The following SLC35F3 variants were observed in gnomAD, a reference collection of about 807,000 sequenced individuals.
SLC35F3 encodes the protein putative thiamine transporter SLC35F3.
In SLC35F3, 25 loss-of-function variants were observed where a neutral mutation model predicts 49.9. That is an observed-to-expected ratio of 0.50 (90% CI 0.37 to 0.70). The LOEUF (loss-of-function observed/expected upper bound fraction) is 0.70. Among genes scored for constraint, SLC35F3 ranks in the 30% least tolerant of loss-of-function variants. The probability of loss-of-function intolerance (pLI) is 0.00; values close to 1 mark genes in which losing one functional copy is unlikely to be tolerated. For missense variants in SLC35F3, 525 were observed against 639.8 expected (o/e 0.82, Z 1.94); for synonymous variants, 275 against 265.4 (o/e 1.04, Z -0.35).
chr1:234,323,461 T>G lies in SLC35F3; in HGVS notation c.*218T>G, dbSNP rs899912937. The G allele has an allele frequency of 1.4e-5, 8 of 568,998 alleles. No homozygotes were observed. The highest frequency in any genetic ancestry group is 2.2e-5 in the Non-Finnish European group (7 of 320,284). The allele number at this position is 568,998 out of a possible 1,614,324, so 35.2% of individuals were successfully genotyped here. A position where few individuals can be genotyped will look rare whatever the true frequency, so the allele number is the denominator to read the frequency against. The stretch of plus-strand genomic sequence containing the variant: ...AAAAGAGAAAAGAAGAACCTCTCAG[T>G]GCTTTTCCAACGAATGTAAAGTGGG... On this transcript the variant is annotated 3_prime_UTR_variant, in exon 8 of 8. Coordinates refer to ENST00000366618, the MANE Select transcript of SLC35F3 (RefSeq NM_173508.4). This position sits in a 1 kb window ranked among gnomAD's most constrained non-coding sequence, Gnocchi z 4.5.
intron 2 of SLC35F3, among the ~76,000 whole-genome samples, chr1:233,995,078 A>G (rs1008873570): frequency 6.6e-6 from 1 of 152,262 alleles, no homozygotes; most frequent in Non-Finnish European, 1.5e-5. Context: ...CCATGTGTGC[A>G]ATGCACAGCA....
At chr1:234,055,508 G>A (rs1255736645) in intron 2 of SLC35F3, among the ~76,000 whole-genome samples, 2 of 152,226 alleles carry the variant, frequency 1.3e-5, no homozygotes, top group African/African-American at 4.8e-5. Flanking sequence ...CATTGGAAAA[G>A]CGCAGGATTA....
chr1:234,322,368 A>G (rs74648682), intron 7 of SLC35F3, among the ~76,000 whole-genome samples: 15,452 of 152,196 alleles, frequency 0.1, 900 homozygotes, highest in African/African-American at 0.15. Context: ...CATATGTTGT[A>G]TGTGTTATTT....
chr1:234,106,228 T>A (rs935291535), intron 2 of SLC35F3, among the ~76,000 whole-genome samples: 3 of 152,224 alleles, frequency 2.0e-5, no homozygotes, highest in Non-Finnish European at 4.4e-5. Flanking sequence ...TCTAGAGTGG[T>A]CATGTGGCCC....
At chr1:234,322,689 T>C (rs544886081) in intron 7 of SLC35F3, among the ~76,000 whole-genome samples, 1 of 135,640 alleles carries the variant, frequency 7.4e-6, no homozygotes, top group East Asian at 2.1e-4. Flanking sequence ...GTGTGTGTAC[T>C]ATCTATCTCT....
At chr1:234,068,287 T>A (rs934168292) in intron 2 of SLC35F3, among the ~76,000 whole-genome samples, 6 of 152,216 alleles carry the variant, frequency 3.9e-5, no homozygotes, top group African/African-American at 1.4e-4. Context: ...GTGAATGCAC[T>A]CTGTCCCTGC....
chr1:234,098,968 G>A (rs564559698), intron 2 of SLC35F3, among the ~76,000 whole-genome samples: 100 of 152,110 alleles, frequency 6.6e-4, no homozygotes, highest in Non-Finnish European at 6.5e-4. Context: ...TGATGATGGA[G>A]GTGGTGACTG....
intron 2 of SLC35F3, among the ~76,000 whole-genome samples, chr1:234,032,951 A>T (rs73102404): frequency 0.028 from 4,291 of 152,148 alleles, 226 homozygotes; most frequent in African/African-American, 0.099. Flanking sequence ...ACTGTTTTCC[A>T]TAGTAGTTAT....
chr1:234,160,013 CA>C (rs1401383523), intron 2 of SLC35F3, among the ~76,000 whole-genome samples: 1 of 152,184 alleles, frequency 6.6e-6, no homozygotes, highest in Non-Finnish European at 1.5e-5. Flanking sequence ...GGACATTTTT[CA>C]TGCACTCAAA....
chr1:234,271,952 C>G (rs1668114231), intron 3 of SLC35F3, among the ~76,000 whole-genome samples: 1 of 152,090 alleles, frequency 6.6e-6, no homozygotes, highest in African/African-American at 2.4e-5. Flanking sequence ...TGGCAAAACC[C>G]CGTCTCTACA....
At chr1:234,290,533 T>C (rs1668490303) in intron 3 of SLC35F3, among the ~76,000 whole-genome samples, 2 of 152,194 alleles carry the variant, frequency 1.3e-5, no homozygotes, top group South Asian at 4.1e-4. Context: ...GTGGAAGTGA[T>C]GGCTTCACTG....
chr1:234,292,219 A>G (rs766177894), intron 3 of SLC35F3, among the ~76,000 whole-genome samples: 10 of 152,252 alleles, frequency 6.6e-5, no homozygotes, highest in Admixed American at 3.9e-4. Context: ...TGTGTGAGGC[A>G]GTTGATCTCT....
rs746025325 is a variant in SLC35F3, at chr1:234,231,702, G to A, written c.569G>A (p.Cys190Tyr). The change falls in exon 3 of 8, where the codon TGC becomes TAC. Residue 190 changes from cysteine (C) to tyrosine (Y), a missense_variant. This residue lies in a region of SLC35F3 where 216 missense variants were observed against 298.1 expected (regional missense o/e 0.72). Coordinates refer to ENST00000366618, the MANE Select transcript of SLC35F3 (RefSeq NM_173508.4). This position sits in a 1 kb window ranked among gnomAD's most constrained non-coding sequence, Gnocchi z 5.4. ...FFPLYYVGHV[C>Y]KSTEKQSVKQ... ...CCGTTGTACTACGTGGGGCACGTCT[G>A]CAAGTCCACAGAGAAGCAGTCTGTG... is the stretch of plus-strand genomic sequence containing the variant. The A allele has an allele frequency of 6.2e-7, 1 of 1,613,684 alleles. No individual in the cohort carries two copies. The highest frequency in any genetic ancestry group is 1.3e-5 in the African/African-American group (1 of 75,058).
chr1:234,082,894 C>T (rs983311206), intron 2 of SLC35F3, among the ~76,000 whole-genome samples: 2 of 152,144 alleles, frequency 1.3e-5, no homozygotes, highest in African/African-American at 4.8e-5. Flanking sequence ...TTATGGGAGC[C>T]ACATGGGAGC....
At position 234,320,512 on chromosome 1, in the gene SLC35F3, T is replaced by C. The variant is rs1291908011; in HGVS notation, c.1237+325T>C. ...AGACACAGAAAGTCTAAAGGCATCT[T>C]GATTCTAACTGGTATGGGGAGCAGA... On this transcript the variant is annotated intron_variant, in intron 7 of 7. Coordinates refer to ENST00000366618, the MANE Select transcript of SLC35F3 (RefSeq NM_173508.4). This position sits in a 1 kb window ranked among gnomAD's most constrained non-coding sequence, Gnocchi z 4.8. Among the ~76,000 whole-genome samples, 2 of 152,202 alleles carry C rather than the reference T, an allele frequency of 1.3e-5. No homozygotes were observed. The highest frequency in any genetic ancestry group is 2.9e-5 in the Non-Finnish European group (2 of 68,044).
At chr1:233,960,724 G>A (rs578117994) in intron 2 of SLC35F3, among the ~76,000 whole-genome samples, 2 of 152,300 alleles carry the variant, frequency 1.3e-5, no homozygotes, top group African/African-American at 4.8e-5. Flanking sequence ...GATGGGTTTA[G>A]GAGAATGGCC....
At chr1:234,212,211 A>G (rs1422254873) in intron 2 of SLC35F3, among the ~76,000 whole-genome samples, 1 of 152,186 alleles carries the variant, frequency 6.6e-6, no homozygotes, top group Admixed American at 6.5e-5. Context: ...CAGGGTGAAA[A>G]CAGACTAGTA....
chr1:234,248,790 A>T (rs1667687311), intron 3 of SLC35F3, among the ~76,000 whole-genome samples: 1 of 152,094 alleles, frequency 6.6e-6, no homozygotes, highest in African/African-American at 2.4e-5. Flanking sequence ...CAGAAATCAA[A>T]CTCTGTTCCT....
chr1:234,290,731 C>T (rs560166976), intron 3 of SLC35F3, among the ~76,000 whole-genome samples: 17 of 152,104 alleles, frequency 1.1e-4, no homozygotes, highest in Non-Finnish European at 2.2e-4. Context: ...AGCAAAAAGG[C>T]GATTTACTAG....
Sources: allele counts gnomAD v4.1 joint callset (sites outside exome capture counted in the v4.1 genomes callset), GRCh38; gene constraint gnomAD v4.1.1; regional missense constraint gnomAD v4.1.1; non-coding constraint Gnocchi (gnomAD v3.1); transcripts MANE v1.5; gene names NCBI Gene and HGNC (gene_info 2026-07-23, HGNC 2026-07-21).